The following ARFGEF2 variants were observed in gnomAD, a reference collection of about 807,000 sequenced individuals.
ARFGEF2 encodes ARF guanine nucleotide exchange factor 2.
Under a neutral mutation model 219.9 loss-of-function variants are expected in ARFGEF2, and 74 were observed. The observed-to-expected ratio is 0.34, with a 90% confidence interval of 0.28 to 0.41. ARFGEF2 has a LOEUF of 0.41. Among genes scored for constraint, ARFGEF2 ranks in the 10% least tolerant of loss-of-function variants. The pLI is 1.00. For synonymous variants in ARFGEF2, 733 were observed against 799.2 expected (o/e 0.92, Z 1.40); for missense variants, 1,743 against 2,218.3 (o/e 0.79, Z 4.30).
At chr20:48,928,419 C>T (rs1196723303) in intron 1 of ARFGEF2, among the ~76,000 whole-genome samples, 1 of 144,840 alleles carries the variant, frequency 6.9e-6, no homozygotes, top group African/African-American at 2.6e-5. Context: ...AGGATGGTCT[C>T]GATCTCCTGA....
chr20:48,941,610 T>G (rs2090993511), intron 2 of ARFGEF2, among the ~76,000 whole-genome samples: 1 of 152,198 alleles, frequency 6.6e-6, no homozygotes, highest in African/African-American at 2.4e-5. Flanking sequence ...GTTTCAGAGA[T>G]ATAGCTCTGG....
intron 36 of ARFGEF2, 100 bp from the exon 37 acceptor site, chr20:49,028,428 CAG>C: frequency 7.5e-7 from 1 of 1,324,538 alleles, no homozygotes; most frequent in Non-Finnish European, 1.1e-6. Flanking sequence ...AAGAAAAAAA[CAG>C]ATGTTTCATA....
chr20:49,000,637 T>C (rs968711918), intron 25 of ARFGEF2, among the ~76,000 whole-genome samples: 1 of 152,250 alleles, frequency 6.6e-6, no homozygotes, highest in African/African-American at 2.4e-5. Context: ...TTGCGACTAC[T>C]GTACCTTGTA....
chr20:49,014,332 T>C (rs181761599), intron 30 of ARFGEF2, among the ~76,000 whole-genome samples: 7 of 152,172 alleles, frequency 4.6e-5, no homozygotes, highest in Admixed American at 3.9e-4. Context: ...GAAGTTGCAT[T>C]TGGAGATGAT....
At chr20:49,028,445 A>G in intron 36 of ARFGEF2, 85 bp from the exon 37 acceptor site, 1 of 1,425,342 alleles carries the variant, frequency 7.0e-7, no homozygotes, top group Admixed American at 1.7e-5. Flanking sequence ...TTCATATTTC[A>G]TAAAATAACT....
chr20:49,012,488 G>T (rs1482026007), intron 28 of ARFGEF2, among the ~76,000 whole-genome samples: 1 of 128,630 alleles, frequency 7.8e-6, no homozygotes, highest in Non-Finnish European at 1.7e-5. Flanking sequence ...TCCTGAAAAT[G>T]ATGGGGTTTT....
chr20:48,922,128 C>T (rs2090845961), intron 1 of ARFGEF2, 118 bp downstream of exon 1: 4 of 1,435,622 alleles, frequency 2.8e-6, no homozygotes, highest in African/African-American at 1.4e-5. Context: ...CCGAATTCCA[C>T]CCTTCCGGCC....
intron 20 of ARFGEF2, 105 bp from the exon 21 acceptor site, chr20:48,990,935 G>T: frequency 8.0e-7 from 1 of 1,247,740 alleles, no homozygotes; most frequent in Non-Finnish European, 1.1e-6. Context: ...CAGTCAATGT[G>T]CATACAAAAA....
chr20:49,027,515 G>A (rs1470376801), intron 36 of ARFGEF2, among the ~76,000 whole-genome samples: 2 of 152,022 alleles, frequency 1.3e-5, no homozygotes, highest in South Asian at 4.2e-4. Context: ...TGGCAACATG[G>A]TAAAACCCCA....
chr20:48,931,306 A>G (rs957763140), intron 1 of ARFGEF2, among the ~76,000 whole-genome samples: 14 of 151,970 alleles, frequency 9.2e-5, no homozygotes, highest in African/African-American at 3.4e-4. Flanking sequence ...AGGTTTGGTA[A>G]TGCAGAAAGA....
intron 9 of ARFGEF2, among the ~76,000 whole-genome samples, chr20:48,970,752 G>T (rs879678203): frequency 4.6e-5 from 7 of 152,176 alleles, no homozygotes; most frequent in African/African-American, 1.7e-4. Context: ...GATAAAGAGC[G>T]CCATCTTCAT....
At chr20:48,936,632 C>G (rs1473327333) in intron 1 of ARFGEF2, among the ~76,000 whole-genome samples, 1 of 152,154 alleles carries the variant, frequency 6.6e-6, no homozygotes, top group Non-Finnish European at 1.5e-5. Context: ...TCAAGCAGTT[C>G]TCCTGCCTCA....
intron 14 of ARFGEF2, among the ~76,000 whole-genome samples, chr20:48,980,884 G>A (rs1364757533): frequency 2.0e-5 from 3 of 152,146 alleles, no homozygotes; most frequent in Non-Finnish European, 2.9e-5. Flanking sequence ...GTCTCTGCAC[G>A]TGAGATGGGT....
chr20:48,978,189 T>TACATATGGCTAGCCAGTTTTCC (rs2123434512), intron 14 of ARFGEF2, among the ~76,000 whole-genome samples: 1 of 152,358 alleles, frequency 6.6e-6, no homozygotes, highest in South Asian at 2.1e-4. Flanking sequence ...TTCAGCTTTC[T>TACATATGGCTAGCCAGTTTTCC]ACATATGGCT....
intron 34 of ARFGEF2, among the ~76,000 whole-genome samples, chr20:49,020,754 T>C (rs2091560576): frequency 6.6e-6 from 1 of 152,200 alleles, no homozygotes. Context: ...GCTCTTTTTC[T>C]TCACGAGCTC....
chr20:49,033,177 C>T lies in ARFGEF2; in HGVS notation c.5336C>T (p.Ala1779Val). 1 of 1,614,212 alleles carries T rather than the reference C, an allele frequency of 6.2e-7. No homozygotes were observed. The highest frequency in any genetic ancestry group is 8.5e-7 in the Non-Finnish European group (1 of 1,180,038). ...CCAGAAGAGCCATCACAGGTACCAG[C>T]AGCACTGTCACCAGTGTGGTAGCCC... Reference protein sequence around the residue: ...WIPEEPSQVPAALSPVW With the variant: ...WIPEEPSQVPVALSPVW The change falls in exon 39 of 39, where the codon GCA (alanine) becomes GTA (valine). Residue 1779 changes from alanine (A) to valine (V), a missense_variant. By Grantham distance (64) the Ala-to-Val change is moderately conservative. Around this residue, in one of 5 missense-constraint regions of ARFGEF2, gnomAD observed 578 missense variants for 664.0 expected, o/e 0.87. Transcript: ENST00000371917.
intron 25 of ARFGEF2, among the ~76,000 whole-genome samples, chr20:49,004,217 A>C (rs903331599): frequency 6.6e-6 from 1 of 151,760 alleles, no homozygotes; most frequent in African/African-American, 2.4e-5. Flanking sequence ...AAAAAAAAGT[A>C]GCTGGACGGG....
chr20:49,026,332 GA>G (rs909193500), intron 36 of ARFGEF2, among the ~76,000 whole-genome samples: 9 of 142,544 alleles, frequency 6.3e-5, no homozygotes, highest in East Asian at 2.0e-4. Flanking sequence ...CTTGTCTCAA[GA>G]AAAAAAAAAG....
chr20:48,957,235 T>C (rs996527949), intron 6 of ARFGEF2, among the ~76,000 whole-genome samples: 2 of 152,240 alleles, frequency 1.3e-5, no homozygotes, highest in South Asian at 2.1e-4. Context: ...TGATAACTTA[T>C]GCTTACCCCT....
Sources: allele counts gnomAD v4.1 joint callset (sites outside exome capture counted in the v4.1 genomes callset), GRCh38; gene constraint gnomAD v4.1.1; regional missense constraint gnomAD v4.1.1; transcripts MANE v1.5; gene names NCBI Gene and HGNC (gene_info 2026-07-23, HGNC 2026-07-21).